Variants in TTC33 observed in about 807,000 individuals in gnomAD.
TTC33 encodes tetratricopeptide repeat protein 33.
TTC33 carries 24 observed loss-of-function variants against 29.4 expected under a neutral mutation model. The observed-to-expected ratio is 0.82, with a 90% CI of 0.59 to 1.15. TTC33 has a LOEUF of 1.15. Among genes scored for constraint, TTC33 ranks in the 50% most tolerant of loss-of-function variants. TTC33 has a pLI of 0.00. For missense variants in TTC33, 286 were observed against 310.4 expected (o/e 0.92, Z 0.59); for synonymous variants, 107 against 100.3 (o/e 1.07, Z -0.40).
In TTC33 at chr5:40,716,369, C is replaced by T. The variant is rs1002961536; in HGVS notation, c.565G>A (p.Ala189Thr). The change falls in exon 5 of 5, where the codon GCA (alanine) becomes ACA (threonine). Residue 189 changes from alanine to threonine, a missense_variant. Coordinates refer to ENST00000337702, the MANE Select transcript of TTC33 (RefSeq NM_012382.3). ...KVAQRIKKSE[A>T]PAEVTHFSPK... is the part of the protein sequence containing the mutation. Reference sequence around the variant, plus strand: ...GAAAAGTGTGTTACTTCAGCTGGTGCTTCACTTTTTTTAATCCTCTGTGCT... The same window carrying T: ...GAAAAGTGTGTTACTTCAGCTGGTGTTTCACTTTTTTTAATCCTCTGTGCT... 3 of 1,614,032 alleles carry T rather than the reference C, an allele frequency of 1.9e-6. No homozygotes were observed. Among genetic ancestry groups the T allele is most frequent in the African/African-American group, 2.7e-5 (2 of 74,924 alleles).
intron 1 of TTC33, among the ~76,000 whole-genome samples, chr5:40,750,949 G>A (rs1334362847): frequency 6.6e-6 from 1 of 152,150 alleles, no homozygotes; most frequent in Non-Finnish European, 1.5e-5. Context: ...CACCACATCT[G>A]CAGTTATTTC....
chr5:40,744,165 T>C (rs1402597045), intron 2 of TTC33, among the ~76,000 whole-genome samples: 3 of 152,240 alleles, frequency 2.0e-5, no homozygotes, highest in African/African-American at 7.2e-5. Context: ...TTGGTTTTCT[T>C]CTAAGACAGA....
chr5:40,717,485 C>T (rs998325846), intron 4 of TTC33, among the ~76,000 whole-genome samples: 4 of 152,164 alleles, frequency 2.6e-5, no homozygotes, highest in Non-Finnish European at 1.5e-5. Context: ...AGGTCAACCT[C>T]AGCACTACTG....
At chr5:40,728,583 TA>T (rs1384822947) in intron 3 of TTC33, 107 bp from the exon 4 acceptor site, 22 of 1,117,924 alleles carry the variant, frequency 2.0e-5, no homozygotes, top group Non-Finnish European at 2.7e-5. Flanking sequence ...CCAGTAAAAA[TA>T]GCATTTCGGT....
chr5:40,726,031 C>T (rs1368859932), intron 4 of TTC33, among the ~76,000 whole-genome samples: 1 of 151,454 alleles, frequency 6.6e-6, no homozygotes, highest in Admixed American at 6.6e-5. Flanking sequence ...GTGATCCGCC[C>T]GCCTCGGCCT....
rs1741925236 is a variant in TTC33 at position 40,712,922 on chromosome 5, A to G, written c.*3223T>C. Among the ~76,000 whole-genome samples, 1 of 152,156 alleles carries G rather than the reference A, an allele frequency of 6.6e-6. No individual in the cohort carries two copies. Among genetic ancestry groups the G allele is most frequent in the African/African-American group, 2.4e-5 (1 of 41,440 alleles). ...CCACACTTCTTCTTCCGAAGTAACC[A>G]TATTTAATTGCAAGTGACTAAGGTA... is the stretch of plus-strand genomic sequence containing the variant. On this transcript the variant is annotated 3_prime_UTR_variant, in exon 5 of 5. Transcript: ENST00000337702.
chr5:40,722,674 C>G (rs78927278), intron 4 of TTC33, among the ~76,000 whole-genome samples: 1 of 151,950 alleles, frequency 6.6e-6, no homozygotes, highest in East Asian at 2.0e-4. Context: ...GCCCCACAGC[C>G]GCCCAGTCTG....
intron 2 of TTC33, among the ~76,000 whole-genome samples, chr5:40,746,542 C>CA (rs1742791468): frequency 6.6e-6 from 1 of 152,084 alleles, no homozygotes; most frequent in Non-Finnish European, 1.5e-5. Flanking sequence ...TTAGGCACAA[C>CA]AAAAATGATG....
rs116095429 is a variant in TTC33, at chr5:40,734,924, T to C, written c.222-4581A>G. On this transcript the variant is annotated intron_variant, in intron 2 of 4. Transcript: ENST00000337702. Reference sequence around the variant, plus strand: ...AGGAATGTGATAGGGAGTGACCAAGTGGCTATTCGGAATGGGCGGTCAAGA... The same window carrying C: ...AGGAATGTGATAGGGAGTGACCAAGCGGCTATTCGGAATGGGCGGTCAAGA... 4.2e-3 allele frequency among the ~76,000 whole-genome samples: 632 copies of C among 152,288 alleles called. 3 individuals are homozygous for C. The highest frequency in any genetic ancestry group is 0.014 in the African/African-American group (596 of 41,558).
At chr5:40,741,791 C>G (rs1410168593) in intron 2 of TTC33, among the ~76,000 whole-genome samples, 1 of 152,138 alleles carries the variant, frequency 6.6e-6, no homozygotes, top group Non-Finnish European at 1.5e-5. Context: ...GAGTTCAAGA[C>G]CAGCCTGGCC....
intron 4 of TTC33, among the ~76,000 whole-genome samples, chr5:40,722,486 G>C (rs531564279): frequency 6.7e-6 from 1 of 148,772 alleles, no homozygotes; most frequent in African/African-American, 2.5e-5. Context: ...GCGGCCCATC[G>C]TCTGGGATGT....
chr5:40,716,921 T>G (rs1284502187), intron 4 of TTC33, among the ~76,000 whole-genome samples: 1 of 152,204 alleles, frequency 6.6e-6, no homozygotes, highest in Non-Finnish European at 1.5e-5. Flanking sequence ...TACTACATTC[T>G]AGGCACTAAA....
rs1741939926 is a variant in TTC33 at position 40,713,601 on chromosome 5, C to A, written c.*2544G>T. ...AGATAAATACTCTATAACCAAACAGCCTGTTTTCTAGAGAATGATATATGA... is the reference window on the plus strand; with the variant it reads ...AGATAAATACTCTATAACCAAACAGACTGTTTTCTAGAGAATGATATATGA... On this transcript the variant is annotated 3_prime_UTR_variant, in exon 5 of 5. Coordinates refer to ENST00000337702, the MANE Select transcript of TTC33 (RefSeq NM_012382.3). Among the ~76,000 whole-genome samples, 1 of 152,030 alleles carries A rather than the reference C, an allele frequency of 6.6e-6. No homozygotes were observed. The highest frequency in any genetic ancestry group is 6.6e-5 in the Admixed American group (1 of 15,246).
intron 1 of TTC33, among the ~76,000 whole-genome samples, chr5:40,748,760 A>C (rs1323341916): frequency 6.6e-6 from 1 of 152,344 alleles, no homozygotes; most frequent in East Asian, 1.9e-4. Flanking sequence ...TATGTGTTAA[A>C]ATTTTCCATA....
At chr5:40,737,989 G>C (rs537162231) in intron 2 of TTC33, among the ~76,000 whole-genome samples, 1 of 152,272 alleles carries the variant, frequency 6.6e-6, no homozygotes, top group Admixed American at 6.5e-5. Flanking sequence ...CCAGTTCATG[G>C]ACACTATTAA....
intron 2 of TTC33, among the ~76,000 whole-genome samples, chr5:40,746,373 CTAAA>C (rs1742788039): frequency 6.6e-6 from 1 of 152,074 alleles, no homozygotes; most frequent in African/African-American, 2.4e-5. Flanking sequence ...CAAAGAATAA[CTAAA>C]TACCTATTTT....
intron 4 of TTC33, among the ~76,000 whole-genome samples, chr5:40,717,909 A>C (rs1742036349): frequency 6.6e-6 from 1 of 152,080 alleles, no homozygotes; most frequent in South Asian, 2.1e-4. Flanking sequence ...AAAAATACAA[A>C]AAATTAGCCA....
intron 2 of TTC33, among the ~76,000 whole-genome samples, chr5:40,745,237 A>T (rs1465461969): frequency 6.6e-6 from 1 of 152,218 alleles, no homozygotes; most frequent in East Asian, 1.9e-4. Flanking sequence ...AAAACAGGCA[A>T]AACCTAAACA....
chr5:40,746,905 C>A lies in TTC33; in HGVS notation c.114G>T (p.Gly38=), dbSNP rs773163767. ...TACGTTTAATGGCATGAAGCCAGTT[C>A]CCTTCATCGTTGTCAACTACATCCT... ...DEKDVVDNDE[G]NWLHAIKRRK... Residue 38 remains glycine, a synonymous_variant, in exon 2 of 5, where the codon GGG becomes GGT. Transcript: ENST00000337702. 6.8e-6 allele frequency: 11 copies of A among 1,614,174 alleles called. No individual in the cohort carries two copies. The highest frequency in any genetic ancestry group is 8.5e-6 in the Non-Finnish European group (10 of 1,180,026).
Sources: gnomAD v4.1 joint callset for allele counts (sites outside exome capture counted in the v4.1 genomes callset) on GRCh38, gnomAD v4.1.1 for gene constraint, MANE v1.5 for transcripts, NCBI Gene and HGNC (gene_info 2026-07-23, HGNC 2026-07-21) for gene names.